The following TOP6BL variants were observed in gnomAD, a reference collection of about 807,000 sequenced individuals.
TOP6BL encodes type 2 DNA topoisomerase 6 subunit B-like.
At chr11:66,775,080 T>C in the TOP6BL span, among the ~76,000 whole-genome samples, 1 of 121,786 alleles carries the variant, frequency 8.2e-6, no homozygotes. Flanking sequence ...ACCACTGCAC[T>C]CCTGCCTGGG....
the TOP6BL span, among the ~76,000 whole-genome samples, chr11:66,824,420 TTTA>T: frequency 0.15 from 21,697 of 140,562 alleles, 1,731 homozygotes; most frequent in East Asian, 0.27. Flanking sequence ...TAATTTTGTA[TTTA>T]TTATTATTAT....
At chr11:66,750,559 A>C in the TOP6BL span, among the ~76,000 whole-genome samples, 1 of 151,780 alleles carries the variant, frequency 6.6e-6, no homozygotes, top group African/African-American at 2.4e-5. Context: ...AAACAAACAA[A>C]CAAAAAACCC....
the TOP6BL span, chr11:66,756,620 G>A: frequency 1.2e-6 from 1 of 805,286 alleles, no homozygotes; most frequent in Non-Finnish European, 1.5e-6. Flanking sequence ...AAAGATGACA[G>A]TAGAGACTTA....
chr11:66,838,381 A>C, the TOP6BL span: 1 of 1,613,912 alleles, frequency 6.2e-7, no homozygotes. Context: ...TAACCCTAGA[A>C]AAAAAGGACT....
the TOP6BL span, among the ~76,000 whole-genome samples, chr11:66,761,290 G>GA: frequency 6.6e-6 from 1 of 152,002 alleles, no homozygotes; most frequent in East Asian, 1.9e-4. Flanking sequence ...AGAATGGGGT[G>GA]AACCCGGGAG....
the TOP6BL span, chr11:66,843,271 G>A: frequency 1.2e-6 from 2 of 1,602,864 alleles, no homozygotes; most frequent in African/African-American, 1.3e-5. Flanking sequence ...CCGATCCGGA[G>A]GCTGCGGGCA....
chr11:66,804,087 C>T, the TOP6BL span: 9 of 1,613,838 alleles, frequency 5.6e-6, no homozygotes, highest in Non-Finnish European at 6.8e-6. Flanking sequence ...GAAGACGTGG[C>T]TGGCATGGAC....
At chr11:66,758,899 G>C in the TOP6BL span, 1 of 466,782 alleles carries the variant, frequency 2.1e-6, no homozygotes, top group Non-Finnish European at 3.8e-6. Context: ...TTTCTTTGAT[G>C]TTTCCATTTT....
chr11:66,774,561 C>T, the TOP6BL span, among the ~76,000 whole-genome samples: 1 of 152,104 alleles, frequency 6.6e-6, no homozygotes, highest in Non-Finnish European at 1.5e-5. Context: ...TCACGCCATT[C>T]TCCTATCTCA....
chr11:66,843,314 G>A, the TOP6BL span: 3 of 1,544,400 alleles, frequency 1.9e-6, no homozygotes, highest in South Asian at 2.3e-5. Flanking sequence ...AAGCTGCCGC[G>A]CGCTCACCAA....
At chr11:66,754,011 G>A in the TOP6BL span, among the ~76,000 whole-genome samples, 1 of 152,180 alleles carries the variant, frequency 6.6e-6, no homozygotes, top group Non-Finnish European at 1.5e-5. Flanking sequence ...GGCCAACCAG[G>A]ACTTAGTCTT....
the TOP6BL span, chr11:66,843,475 A>C: frequency 2.1e-6 from 3 of 1,443,180 alleles, no homozygotes. Flanking sequence ...CTGGGCGGGG[A>C]TGGGCTGCGA....
chr11:66,837,939 A>C, the TOP6BL span, among the ~76,000 whole-genome samples: 666 of 152,198 alleles, frequency 4.4e-3, 29 homozygotes, highest in East Asian at 0.097. Flanking sequence ...CCCAGGTTTG[A>C]CTTTCTCAGT....
At chr11:66,772,385 T>A in the TOP6BL span, among the ~76,000 whole-genome samples, 10 of 151,950 alleles carry the variant, frequency 6.6e-5, no homozygotes, top group African/African-American at 2.4e-4. Flanking sequence ...GCAGAAGGAG[T>A]GATTGAAACC....
At chr11:66,843,086 C>A in the TOP6BL span, 3 of 1,584,678 alleles carry the variant, frequency 1.9e-6, no homozygotes, top group Non-Finnish European at 2.6e-6. Context: ...GGGCGAGGGC[C>A]GCGCAGGGAA....
chr11:66,756,663 C>T, the TOP6BL span, among the ~76,000 whole-genome samples: 2 of 152,050 alleles, frequency 1.3e-5, no homozygotes, highest in East Asian at 1.9e-4. Context: ...GCAAGCATTC[C>T]CCCAAATCCC....
At chr11:66,763,378 A>G in the TOP6BL span, among the ~76,000 whole-genome samples, 4 of 152,240 alleles carry the variant, frequency 2.6e-5, 1 homozygote, top group South Asian at 8.3e-4. Context: ...TTTAGGTTCT[A>G]CTTGGTGTGA....
chr11:66,766,672 T>C, the TOP6BL span, among the ~76,000 whole-genome samples: 15 of 152,222 alleles, frequency 9.9e-5, no homozygotes, highest in African/African-American at 3.6e-4. Context: ...TGCATCATTA[T>C]TCTACATTCA....
the TOP6BL span, among the ~76,000 whole-genome samples, chr11:66,747,879 C>G: frequency 2.0e-5 from 3 of 152,138 alleles, no homozygotes; most frequent in Non-Finnish European, 2.9e-5. Flanking sequence ...CTCGGCCTCC[C>G]AAAGTGCTGG....
Sources: gnomAD v4.1 joint callset for allele counts (sites outside exome capture counted in the v4.1 genomes callset) on GRCh38, gnomAD v4.1.1 for gene constraint, MANE v1.5 for transcripts, NCBI Gene and HGNC (gene_info 2026-07-23, HGNC 2026-07-21) for gene names.